Variants in PXDNL observed in about 807,000 individuals in gnomAD.
PXDNL encodes the protein peroxidasin like.
PXDNL carries 145 observed loss-of-function variants against 150.8 expected under a neutral mutation model. That is an observed-to-expected ratio of 0.96 (90% confidence interval 0.84 to 1.10). The LOEUF (loss-of-function observed/expected upper bound fraction) is 1.10. Ranked by LOEUF, PXDNL falls within the 50% of genes least tolerant of loss-of-function variation. PXDNL has a pLI of 0.00. For missense variants in PXDNL, 2,087 were observed against 1,873.9 expected (o/e 1.11, Z -2.10); for synonymous variants, 757 against 725.7 (o/e 1.04, Z -0.69).
intron 1 of PXDNL, among the ~76,000 whole-genome samples, chr8:51,685,478 C>T (rs1815853660): frequency 6.6e-6 from 1 of 152,202 alleles, no homozygotes; most frequent in East Asian, 1.9e-4. Context: ...AATTTAGCCC[C>T]ATATAGCTGG....
chr8:51,620,284 A>T (rs10958284), intron 2 of PXDNL, among the ~76,000 whole-genome samples: 4 of 152,062 alleles, frequency 2.6e-5, no homozygotes, highest in Non-Finnish European at 5.9e-5. Flanking sequence ...TATATTTTGA[A>T]GGTTTCACGA....
At chr8:51,768,907 AAC>A (rs1222283481) in intron 1 of PXDNL, among the ~76,000 whole-genome samples, 2 of 152,226 alleles carry the variant, frequency 1.3e-5, no homozygotes, top group African/African-American at 4.8e-5. Context: ...TATCCTGGCT[AAC>A]ACAGTGAAAC....
intron 1 of PXDNL, among the ~76,000 whole-genome samples, chr8:51,762,518 T>C (rs763186675): frequency 1.6e-4 from 25 of 152,324 alleles, no homozygotes; most frequent in African/African-American, 5.8e-4. Context: ...TCCACAATCC[T>C]TTATCTTTAA....
chr8:51,362,010 A>C (rs1975113), intron 19 of PXDNL, among the ~76,000 whole-genome samples: 114,989 of 148,986 alleles, frequency 0.77, 45,132 homozygotes, highest in East Asian at 0.94. Flanking sequence ...ATTAGTCTTA[A>C]CTAGGGATGC....
intron 2 of PXDNL, among the ~76,000 whole-genome samples, chr8:51,619,446 G>A (rs1000295603): frequency 1.3e-5 from 2 of 152,100 alleles, no homozygotes; most frequent in Non-Finnish European, 2.9e-5. Context: ...ATATGATTTG[G>A]GTCTGTGTTC....
chr8:51,383,669 G>T (rs1476733450), intron 17 of PXDNL, among the ~76,000 whole-genome samples: 1 of 152,106 alleles, frequency 6.6e-6, no homozygotes, highest in Non-Finnish European at 1.5e-5. Flanking sequence ...AACACACATG[G>T]AATAATAAGA....
At chr8:51,763,041 G>A (rs1325209276) in intron 1 of PXDNL, among the ~76,000 whole-genome samples, 2 of 152,062 alleles carry the variant, frequency 1.3e-5, no homozygotes, top group African/African-American at 4.8e-5. Flanking sequence ...CCTAAGTTTA[G>A]AATATTTCCA....
intron 17 of PXDNL, 139 bp from the exon 18 acceptor site, chr8:51,374,870 A>C: frequency 9.3e-7 from 1 of 1,069,922 alleles, no homozygotes; most frequent in Non-Finnish European, 1.3e-6. Flanking sequence ...TTCTCATTTC[A>C]TGGGGGAAAG....
In PXDNL at chr8:51,339,756, A is replaced by G; in HGVS notation, c.4017-3T>C. On this transcript the variant is annotated splice_region_variant and splice_polypyrimidine_tract_variant and intron_variant, in intron 20 of 22. Transcript: ENST00000356297. ...CCACATATATTTTATCTTGTTGCCT[A>G]TTTATAACAAGAAGCAAATAAAATG... 2 of 1,586,798 alleles carry G rather than the reference A, an allele frequency of 1.3e-6. No individual in the cohort carries two copies. The highest frequency in any genetic ancestry group is 1.7e-6 in the Non-Finnish European group (2 of 1,170,922).
Position 51,409,449 on chromosome 8 carries a change from C to A in PXDNL, c.2175G>T (p.Ala725=). 2 of 1,612,646 alleles carry A rather than the reference C, an allele frequency of 1.2e-6. No homozygotes were observed. The highest frequency in any genetic ancestry group is 2.2e-5 in the East Asian group (1 of 44,790). The change falls in exon 17 of 23, where the codon GCG becomes GCT. Residue 725 remains alanine (A), a synonymous_variant. Transcript: ENST00000356297. ...LPNCSNRCFH[A]KYRAHDGTCN... The stretch of plus-strand genomic sequence containing the variant: ...ACGTGCCGTCGTGGGCGCGGTACTT[C>A]GCATGGAAACACCGGTTGGAGCAGT...
intron 3 of PXDNL, among the ~76,000 whole-genome samples, chr8:51,572,294 A>G (rs1812962474): frequency 6.6e-6 from 1 of 151,970 alleles, no homozygotes; most frequent in Admixed American, 6.6e-5. Flanking sequence ...AGCATAATTC[A>G]TAATAGCCAA....
chr8:51,510,344 A>G (rs1218465134), intron 4 of PXDNL, among the ~76,000 whole-genome samples: 1 of 152,216 alleles, frequency 6.6e-6, no homozygotes, highest in African/African-American at 2.4e-5. Context: ...CCTCTTACCA[A>G]ACATGAGTTT....
At chr8:51,740,877 G>A (rs1356316921) in intron 1 of PXDNL, among the ~76,000 whole-genome samples, 1 of 152,134 alleles carries the variant, frequency 6.6e-6, no homozygotes, top group Admixed American at 6.5e-5. Flanking sequence ...TTTTACTGAA[G>A]ATTTTCACAT....
intron 4 of PXDNL, among the ~76,000 whole-genome samples, chr8:51,541,838 T>G (rs1313799074): frequency 6.6e-6 from 1 of 151,748 alleles, no homozygotes; most frequent in Non-Finnish European, 1.5e-5. Context: ...CCACAGCCCC[T>G]TGCAGCCTGC....
rs192050044 is a variant in PXDNL at position 51,747,076 on chromosome 8, A to G, written c.164+62105T>C. ...TATCAAAAATTTTTAAGAAAAACAA[A>G]AAGTTACAGACTAATATGGAAAATA... On this transcript the variant is annotated intron_variant, in intron 1 of 22. Transcript: ENST00000356297. 5.1e-4 allele frequency among the ~76,000 whole-genome samples: 77 copies of G among 152,356 alleles called. 1 individual carries two copies. The highest frequency in any genetic ancestry group is 3.5e-3 in the Admixed American group (53 of 15,302).
Position 51,608,005 on chromosome 8 carries a change from G to GAAAGAAAGAA in PXDNL, c.237-15317_237-15308dup, listed in dbSNP as rs1358683415. ...AGGAAGAGAGAGAGGAAGGAAGGAA[G>GAAAGAAAGAA]AAAGAAAGAAAGAAAGAAAGAAAGA... On this transcript the variant is annotated intron_variant, in intron 2 of 22. Coordinates refer to ENST00000356297, the MANE Select transcript of PXDNL (RefSeq NM_144651.5). Among the ~76,000 whole-genome samples, 51 of 40,898 alleles carry GAAAGAAAGAA rather than the reference G, an allele frequency of 1.2e-3. 5 individuals are homozygous for GAAAGAAAGAA. The highest frequency in any genetic ancestry group is 8.4e-3 in the African/African-American group (45 of 5,346). 26.8% of individuals were successfully genotyped at this position (40,898 alleles called of 152,430 possible).
At chr8:51,421,108 T>G (rs1361889415) in intron 14 of PXDNL, among the ~76,000 whole-genome samples, 1 of 152,194 alleles carries the variant, frequency 6.6e-6, no homozygotes, top group Non-Finnish European at 1.5e-5. Context: ...AGTGCTTCTG[T>G]GTATGTGGAA....
intron 4 of PXDNL, among the ~76,000 whole-genome samples, chr8:51,520,397 G>A (rs1367503952): frequency 2.0e-5 from 3 of 152,112 alleles, no homozygotes; most frequent in African/African-American, 7.2e-5. Flanking sequence ...AAGGGACTGG[G>A]GCAGGGAAGT....
intron 1 of PXDNL, among the ~76,000 whole-genome samples, chr8:51,779,073 A>G (rs2037384901): frequency 6.6e-6 from 1 of 152,240 alleles, no homozygotes; most frequent in Non-Finnish European, 1.5e-5. Context: ...CCATAAACAA[A>G]GAAACATGTT....
Sources: allele counts gnomAD v4.1 joint callset (sites outside exome capture counted in the v4.1 genomes callset), GRCh38; gene constraint gnomAD v4.1.1; transcripts MANE v1.5; gene names NCBI Gene and HGNC (gene_info 2026-07-23, HGNC 2026-07-21).